Variants in TMEM163 observed in about 807,000 individuals in gnomAD.
TMEM163 encodes the protein transmembrane protein 163.
Under a neutral mutation model 29.3 loss-of-function variants are expected in TMEM163, and 17 were observed. That is an observed-to-expected ratio of 0.58 (90% CI 0.40 to 0.87). The LOEUF (loss-of-function observed/expected upper bound fraction) is 0.87, where lower values mean the gene tolerates loss of function less well. Among genes scored for constraint, TMEM163 ranks in the 40% least tolerant of loss-of-function variants. TMEM163 has a pLI of 0.00. For missense variants in TMEM163, 303 were observed against 381.5 expected, an observed-to-expected ratio of 0.79 and a Z score of 1.71; for synonymous variants, 157 against 160.6, an observed-to-expected ratio of 0.98 and a Z score of 0.17.
At chr2:134,677,723 A>G (rs1287618159) in intron 2 of TMEM163, among the ~76,000 whole-genome samples, 4 of 152,214 alleles carry the variant, frequency 2.6e-5, no homozygotes, top group Non-Finnish European at 4.4e-5. Flanking sequence ...AGAGTAGAGG[A>G]TTATTTCCCA....
At chr2:134,564,406 G>GT (rs1681247880) in intron 2 of TMEM163, among the ~76,000 whole-genome samples, 1 of 152,168 alleles carries the variant, frequency 6.6e-6, no homozygotes, top group Non-Finnish European at 1.5e-5. Context: ...ATATAAAAGT[G>GT]TAAGGTTAAC....
chr2:134,556,436 G>A (rs1460112993), intron 2 of TMEM163, among the ~76,000 whole-genome samples: 1 of 152,208 alleles, frequency 6.6e-6, no homozygotes, highest in African/African-American at 2.4e-5. Flanking sequence ...AACATTAGAG[G>A]TAACTAAATA....
chr2:134,641,839 C>G (rs539135246), intron 2 of TMEM163, among the ~76,000 whole-genome samples: 15 of 152,232 alleles, frequency 9.9e-5, no homozygotes, highest in Middle Eastern at 3.4e-3. Context: ...CTACAGACTA[C>G]TCACCTCAAA....
At chr2:134,523,694 G>A (rs1680234217) in intron 4 of TMEM163, among the ~76,000 whole-genome samples, 1 of 152,128 alleles carries the variant, frequency 6.6e-6, no homozygotes. Flanking sequence ...TAGACAAGTG[G>A]TTTTTCTCCT....
intron 5 of TMEM163, among the ~76,000 whole-genome samples, chr2:134,501,225 GA>G: frequency 6.6e-6 from 1 of 152,182 alleles, no homozygotes; most frequent in East Asian, 1.9e-4. Flanking sequence ...CGCAACCATG[GA>G]ATCTTCAGCT....
At chr2:134,510,069 T>C (rs1049001723) in intron 4 of TMEM163, among the ~76,000 whole-genome samples, 4 of 152,160 alleles carry the variant, frequency 2.6e-5, no homozygotes, top group Admixed American at 2.0e-4. Context: ...CTGTGTGTCC[T>C]GGAAGCTCCC....
intron 2 of TMEM163, among the ~76,000 whole-genome samples, chr2:134,593,542 G>A (rs192145630): frequency 6.6e-6 from 1 of 152,324 alleles, no homozygotes; most frequent in East Asian, 1.9e-4. Context: ...GATGGCCGAA[G>A]AAGGTGCCCT....
At chr2:134,558,257 G>A (rs965991012) in intron 2 of TMEM163, among the ~76,000 whole-genome samples, 1 of 152,318 alleles carries the variant, frequency 6.6e-6, no homozygotes, top group Non-Finnish European at 1.5e-5. Flanking sequence ...GACCAAGAAA[G>A]CCAGCAAGTG....
At chr2:134,532,811 A>G (rs1680443852) in intron 4 of TMEM163, among the ~76,000 whole-genome samples, 1 of 152,166 alleles carries the variant, frequency 6.6e-6, no homozygotes, top group South Asian at 2.1e-4. Flanking sequence ...TATGTTCCTC[A>G]TTGTTCTATG....
chr2:134,594,736 C>G, intron 2 of TMEM163, among the ~76,000 whole-genome samples: 1 of 152,194 alleles, frequency 6.6e-6, no homozygotes, highest in East Asian at 1.9e-4. Flanking sequence ...ATCAAACACG[C>G]AAATCTGCCA....
At chr2:134,684,379 G>C (rs1430788137) in intron 2 of TMEM163, among the ~76,000 whole-genome samples, 1 of 152,154 alleles carries the variant, frequency 6.6e-6, no homozygotes, top group African/African-American at 2.4e-5. Context: ...AGGCAGCAGT[G>C]CTGTGGGATG....
At chr2:134,542,561 G>A (rs887778705) in intron 4 of TMEM163, among the ~76,000 whole-genome samples, 13 of 152,088 alleles carry the variant, frequency 8.5e-5, no homozygotes, top group African/African-American at 2.9e-4. Flanking sequence ...CTGTCAGATC[G>A]GCAATGGCAT....
At chr2:134,527,305 G>T (rs889529203) in intron 4 of TMEM163, among the ~76,000 whole-genome samples, 14 of 152,154 alleles carry the variant, frequency 9.2e-5, no homozygotes, top group African/African-American at 3.4e-4. Flanking sequence ...ATGCTTGTGT[G>T]TATATACACT....
At chr2:134,588,121 C>T (rs971603340) in intron 2 of TMEM163, among the ~76,000 whole-genome samples, 10 of 152,210 alleles carry the variant, frequency 6.6e-5, no homozygotes, top group African/African-American at 2.4e-4. Flanking sequence ...CAAGAGAATT[C>T]ACCACGTGAA....
intron 6 of TMEM163, among the ~76,000 whole-genome samples, chr2:134,461,265 G>C (rs913989553): frequency 3.6e-4 from 55 of 152,350 alleles, no homozygotes; most frequent in African/African-American, 1.3e-3. Flanking sequence ...AACTGGATCA[G>C]GATCTGTGTA....
intron 4 of TMEM163, among the ~76,000 whole-genome samples, chr2:134,536,278 A>T (rs1432019911): frequency 6.6e-6 from 1 of 152,182 alleles, no homozygotes; most frequent in East Asian, 1.9e-4. Flanking sequence ...TCTGGGCTGC[A>T]GGGAAAACGA....
At chr2:134,571,678 C>A (rs1465977345) in intron 2 of TMEM163, among the ~76,000 whole-genome samples, 3 of 152,166 alleles carry the variant, frequency 2.0e-5, no homozygotes, top group African/African-American at 7.2e-5. Context: ...GTGCATGGAA[C>A]AAAGTCTGGA....
At chr2:134,506,274 C>G (rs1460538706) in intron 4 of TMEM163, among the ~76,000 whole-genome samples, 2 of 152,340 alleles carry the variant, frequency 1.3e-5, no homozygotes, top group African/African-American at 4.8e-5. Flanking sequence ...TCCTTCCACA[C>G]TGCTGGGAGC....
At chr2:134,535,751 C>T (rs1404788214) in intron 4 of TMEM163, among the ~76,000 whole-genome samples, 2 of 149,152 alleles carry the variant, frequency 1.3e-5, no homozygotes, top group Non-Finnish European at 3.0e-5. Context: ...TTTTTGAGGC[C>T]GAGTCTCTGT....
Sources: allele counts gnomAD v4.1 joint callset (sites outside exome capture counted in the v4.1 genomes callset), GRCh38; gene constraint gnomAD v4.1.1; transcripts MANE v1.5; gene names NCBI Gene and HGNC (gene_info 2026-07-23, HGNC 2026-07-21).